Variants in FRYL observed in about 807,000 individuals in gnomAD.
FRYL encodes FRY like transcription coactivator, also known as protein furry homolog-like.
In FRYL, 150 loss-of-function variants were observed where a neutral mutation model predicts 351.2. The observed-to-expected ratio is 0.43, with a 90% CI of 0.37 to 0.49. FRYL has a LOEUF of 0.49. Among genes scored for constraint, FRYL ranks in the 20% least tolerant of loss-of-function variants. FRYL has a pLI of 0.00. For synonymous variants in FRYL, 1,153 were observed against 1,257.1 expected (o/e 0.92, Z 1.75); for missense variants, 3,036 against 3,619.3 (o/e 0.84, Z 4.13).
intron 49 of FRYL, among the ~76,000 whole-genome samples, chr4:48,533,004 GCTTCT>G (rs1728015459): frequency 6.6e-6 from 1 of 152,112 alleles, no homozygotes; most frequent in African/African-American, 2.4e-5. Flanking sequence ...TAGATTTCCA[GCTTCT>G]CTTAAAGTGA....
intron 54 of FRYL, among the ~76,000 whole-genome samples, chr4:48,522,357 C>G (rs895807308): frequency 1.3e-5 from 2 of 152,178 alleles, no homozygotes; most frequent in African/African-American, 4.8e-5. Context: ...TGGTTTCTTC[C>G]TTATCACATG....
intron 2 of FRYL, among the ~76,000 whole-genome samples, chr4:48,690,195 G>A (rs1049335849): frequency 4.6e-5 from 7 of 151,852 alleles, no homozygotes; most frequent in Middle Eastern, 3.2e-3. Context: ...GTGAGCCACC[G>A]CGCCCGGCCA....
At chr4:48,526,432 T>C (rs780672640) in intron 53 of FRYL, among the ~76,000 whole-genome samples, 1 of 152,166 alleles carries the variant, frequency 6.6e-6, no homozygotes, top group South Asian at 2.1e-4. Flanking sequence ...ACTAGAGTGG[T>C]TGTTTCAGAA....
chr4:48,632,096 A>ATATATATATATATATT (rs1553957551), intron 4 of FRYL, among the ~76,000 whole-genome samples: 1 of 16,230 alleles, frequency 6.2e-5, no homozygotes, highest in African/African-American at 1.4e-4. Context: ...AAAAAAATAT[A>ATATATATATATATATT]TATATATATA....
At chr4:48,696,848 CTAT>C (rs1766224152) in intron 2 of FRYL, among the ~76,000 whole-genome samples, 2 of 38,696 alleles carry the variant, frequency 5.2e-5, no homozygotes, top group African/African-American at 1.7e-4. Context: ...GATAAGAGAT[CTAT>C]CTATCTATCT....
At chr4:48,716,120 C>T (rs532217446) in intron 1 of FRYL, among the ~76,000 whole-genome samples, 3 of 152,136 alleles carry the variant, frequency 2.0e-5, no homozygotes, top group East Asian at 1.9e-4. Flanking sequence ...ATACAAAAAT[C>T]AATTCAAGAT....
intron 59 of FRYL, among the ~76,000 whole-genome samples, chr4:48,507,714 A>ATAGATGAT (rs1273618211): frequency 1.5e-4 from 22 of 151,364 alleles, no homozygotes; most frequent in South Asian, 4.2e-4. Context: ...AGATAGATAG[A>ATAGATGAT]TGATAGATAG....
rs56121903 is a variant in FRYL, at chr4:48,529,835, A to G, written c.6903+1321T>C. Among the ~76,000 whole-genome samples, 466 of 152,298 alleles carry G rather than the reference A, an allele frequency of 3.1e-3. 1 individual carries two copies. Among genetic ancestry groups the G allele is most frequent in the African/African-American group, 0.011 (445 of 41,568 alleles). ...GGGAAAAAAAATCGGGACTCTCAGC[A>G]AGGATGAGAAATCTTTAAGTGAGAT... On this transcript the variant is annotated intron_variant, in intron 50 of 63. Transcript: ENST00000358350.
At chr4:48,676,961 T>A (rs1346461557) in intron 3 of FRYL, among the ~76,000 whole-genome samples, 1 of 152,218 alleles carries the variant, frequency 6.6e-6, no homozygotes, top group African/African-American at 2.4e-5. Context: ...TTTAAAAATA[T>A]AACCAATTCT....
chr4:48,733,404 G>A (rs948989318), intron 1 of FRYL, among the ~76,000 whole-genome samples: 9 of 151,858 alleles, frequency 5.9e-5, no homozygotes, highest in Non-Finnish European at 4.4e-5. Flanking sequence ...GACAGAATGT[G>A]TTGCTGGTGG....
intron 2 of FRYL, among the ~76,000 whole-genome samples, chr4:48,691,362 A>G (rs1232039478): frequency 6.6e-6 from 1 of 152,162 alleles, no homozygotes; most frequent in African/African-American, 2.4e-5. Context: ...AAATCATGGC[A>G]CATTCCTAAG....
intron 1 of FRYL, among the ~76,000 whole-genome samples, chr4:48,725,911 A>G (rs751188637): frequency 9.2e-5 from 14 of 152,210 alleles, no homozygotes; most frequent in Admixed American, 1.3e-4. Flanking sequence ...ATTTGGCACT[A>G]TCTGAGGTTT....
At chr4:48,530,245 C>T (rs954915864) in intron 50 of FRYL, among the ~76,000 whole-genome samples, 1 of 152,192 alleles carries the variant, frequency 6.6e-6, no homozygotes, top group African/African-American at 2.4e-5. Flanking sequence ...CCTGTCAAGG[C>T]CATTCATCAA....
Position 48,581,424 on chromosome 4 carries a change from G to A in FRYL, c.2168C>T (p.Pro723Leu), listed in dbSNP as rs1246962325. 2 of 1,603,316 alleles carry A rather than the reference G, an allele frequency of 1.2e-6. No homozygotes were observed. The highest frequency in any genetic ancestry group is 8.5e-7 in the Non-Finnish European group (1 of 1,176,128). Residue 723 changes from proline (P) to leucine (L), a missense_variant, in exon 21 of 64, where the codon CCT becomes CTT. Around this residue, in one of 7 missense-constraint regions of FRYL, gnomAD observed 492 missense variants for 551.5 expected, o/e 0.89. Coordinates refer to ENST00000358350, the MANE Select transcript of FRYL (RefSeq NM_015030.2). ...AATGAAATACCTAAATCTTACCTTA[G>A]GTATTTCCAGAAGTGCAAATAAAGC... is the stretch of plus-strand genomic sequence containing the variant. ...IRALFALLEIPKGDDELAIDV... is the reference protein window; with the variant it reads ...IRALFALLEILKGDDELAIDV...
intron 10 of FRYL, among the ~76,000 whole-genome samples, chr4:48,606,193 A>C (rs1482251327): frequency 2.0e-5 from 3 of 151,710 alleles, no homozygotes; most frequent in Non-Finnish European, 4.4e-5. Context: ...GAATCGCTTC[A>C]ATCAGGAAGG....
chr4:48,605,753 G>T lies in FRYL; in HGVS notation c.822C>A (p.Ile274=). 3 of 1,597,842 alleles carry T rather than the reference G, an allele frequency of 1.9e-6. No individual in the cohort carries two copies. Among genetic ancestry groups the T allele is most frequent in the South Asian group, 2.2e-5 (2 of 90,284 alleles). ...GAAAAATACTTACAGCAGCTACAGG[G>T]ATAAGAATCTCCACAAATAAACCAG... is the stretch of plus-strand genomic sequence containing the variant. ...ALAGLFVEIL[I]PVAAAVKNEV... is the part of the protein sequence containing the mutation. The change falls in exon 11 of 64, where the codon ATC becomes ATA. Residue 274 remains isoleucine (I), a synonymous_variant. Transcript: ENST00000358350.
intron 1 of FRYL, among the ~76,000 whole-genome samples, chr4:48,766,073 G>T (rs1434330085): frequency 1.3e-5 from 2 of 152,106 alleles, no homozygotes; most frequent in African/African-American, 4.8e-5. Context: ...CAGTATGGAG[G>T]TTCCTCAAAA....
intron 44 of FRYL, among the ~76,000 whole-genome samples, chr4:48,542,995 G>A (rs1296662324): frequency 1.3e-5 from 2 of 152,058 alleles, no homozygotes; most frequent in Non-Finnish European, 2.9e-5. Flanking sequence ...TAGGCCTTAC[G>A]TGATTTGAAC....
At chr4:48,758,236 A>G (rs1292298984) in intron 1 of FRYL, among the ~76,000 whole-genome samples, 3 of 152,190 alleles carry the variant, frequency 2.0e-5, no homozygotes, top group South Asian at 4.1e-4. Context: ...TTGACAAATG[A>G]GATCTAATTA....
Sources: gnomAD v4.1 joint callset for allele counts (sites outside exome capture counted in the v4.1 genomes callset) on GRCh38, gnomAD v4.1.1 for gene constraint, gnomAD v4.1.1 regional missense constraint, MANE v1.5 for transcripts, NCBI Gene and HGNC (gene_info 2026-07-23, HGNC 2026-07-21) for gene names.